NBEA: variants seen among roughly 807,000 people sequenced by gnomAD.
NBEA encodes lysosomal-trafficking regulator 2.
Under a neutral mutation model 343.4 loss-of-function variants are expected in NBEA, and 44 were observed. The observed-to-expected ratio is 0.13, with a 90% CI of 0.10 to 0.16. The LOEUF is 0.16. Among genes scored for constraint, NBEA ranks in the 10% least tolerant of loss-of-function variants. The pLI, the probability that NBEA is intolerant of heterozygous loss-of-function variation, is 1.00. For missense variants in NBEA, 2,555 were observed against 3,631.3 expected (o/e 0.70, Z 7.62); for synonymous variants, 1,175 against 1,238.7 (o/e 0.95, Z 1.08).
chr13:35,355,623 T>C (rs985296318), intron 38 of NBEA, among the ~76,000 whole-genome samples: 7 of 152,104 alleles, frequency 4.6e-5, no homozygotes, highest in Admixed American at 1.3e-4. Context: ...TAGTGACTTA[T>C]TAGGCCCTAC....
chr13:35,217,096 TG>T (rs2074106158), intron 33 of NBEA, among the ~76,000 whole-genome samples: 1 of 152,030 alleles, frequency 6.6e-6, no homozygotes. Context: ...GATATCTTAC[TG>T]TGGTCTGAAT....
chr13:35,174,048 G>A (rs964123099), intron 27 of NBEA, among the ~76,000 whole-genome samples: 56 of 152,150 alleles, frequency 3.7e-4, no homozygotes, highest in Admixed American at 2.3e-3. Context: ...GGCCCTTGGC[G>A]TCACATCCAG....
intron 55 of NBEA, among the ~76,000 whole-genome samples, chr13:35,656,531 C>A (rs1318719327): frequency 1.3e-5 from 2 of 152,142 alleles, no homozygotes; most frequent in African/African-American, 2.4e-5. Flanking sequence ...TGGACTGCTG[C>A]CCCAAGAAAA....
Position 35,270,894 on chromosome 13 carries a change from T to C in NBEA, c.5777-19495T>C, listed in dbSNP as rs148414850. Among the ~76,000 whole-genome samples the C allele has an allele frequency of 9.3e-4, 141 of 152,296 alleles. 4 individuals carry two copies. The East Asian group carries it at 0.025, about 27-fold the overall frequency. Reference sequence around the variant, plus strand: ...ACAGCCCAGCAAGGCCTACTGCCTCTCTAGATTCCACCTCTTGGGGCAGAG... The same window carrying C: ...ACAGCCCAGCAAGGCCTACTGCCTCCCTAGATTCCACCTCTTGGGGCAGAG... On this transcript the variant is annotated intron_variant, in intron 34 of 58. Coordinates refer to ENST00000379939, the MANE Select transcript of NBEA (RefSeq NM_001385012.1).
At chr13:35,343,664 T>C (rs2039715749) in intron 36 of NBEA, among the ~76,000 whole-genome samples, 1 of 152,074 alleles carries the variant, frequency 6.6e-6, no homozygotes, top group Admixed American at 6.6e-5. Flanking sequence ...GTCAGATCAG[T>C]GGCAGTATTA....
chr13:35,239,992 G>GA (rs1229363008), intron 34 of NBEA, among the ~76,000 whole-genome samples: 15 of 151,320 alleles, frequency 9.9e-5, no homozygotes, highest in African/African-American at 3.1e-4. Context: ...GGAGCAGTTT[G>GA]AGCATCCATA....
chr13:35,161,960 T>C lies in NBEA; in HGVS notation c.4072T>C (p.Trp1358Arg). The change falls in exon 23 of 59, where the codon TGG (tryptophan) becomes CGG (arginine). Residue 1358 changes from tryptophan to arginine, a missense_variant. Transcript: ENST00000379939. ...LFALETDVHV[W>R]RSHSTKSVMD... ...TGCATTAGAAACTGATGTACATGTT[T>C]GGAGGAGGTAGAAATATTTCTTTTT... The C allele has an allele frequency of 6.5e-7, 1 of 1,544,332 alleles. No individual in the cohort carries two copies. Among genetic ancestry groups the C allele is most frequent in the Non-Finnish European group, 8.8e-7 (1 of 1,141,148 alleles).
intron 45 of NBEA, among the ~76,000 whole-genome samples, chr13:35,580,023 T>C (rs191678402): frequency 1.1e-3 from 171 of 152,288 alleles, no homozygotes; most frequent in African/African-American, 4.0e-3. Flanking sequence ...ACTTCTTTGA[T>C]TCTTCAATAT....
chr13:35,000,227 G>T (rs2061080725), intron 1 of NBEA, among the ~76,000 whole-genome samples: 1 of 152,190 alleles, frequency 6.6e-6, no homozygotes, highest in Non-Finnish European at 1.5e-5. Flanking sequence ...GAAGGGCAAT[G>T]AACCAGGAGA....
intron 41 of NBEA, among the ~76,000 whole-genome samples, chr13:35,503,916 T>A (rs994385087): frequency 6.6e-6 from 1 of 152,174 alleles, no homozygotes; most frequent in Non-Finnish European, 1.5e-5. Flanking sequence ...TATTAAATGT[T>A]ATTGTATTAT....
chr13:35,085,580 T>C (rs2064707902), intron 10 of NBEA, among the ~76,000 whole-genome samples: 1 of 152,080 alleles, frequency 6.6e-6, no homozygotes, highest in Non-Finnish European at 1.5e-5. Context: ...ATGGGACATA[T>C]CTTAAAATAA....
At chr13:35,496,121 C>T (rs893677601) in intron 41 of NBEA, among the ~76,000 whole-genome samples, 3 of 151,870 alleles carry the variant, frequency 2.0e-5, no homozygotes, top group Non-Finnish European at 4.4e-5. Flanking sequence ...TATAACTGTA[C>T]TTTTCAGTTC....
intron 34 of NBEA, among the ~76,000 whole-genome samples, chr13:35,272,055 C>T (rs1017221815): frequency 2.6e-5 from 4 of 152,094 alleles, no homozygotes; most frequent in African/African-American, 9.7e-5. Flanking sequence ...ACATAATTGA[C>T]AGAATCACCA....
At chr13:34,988,190 T>C (rs187173977) in intron 1 of NBEA, among the ~76,000 whole-genome samples, 5 of 151,200 alleles carry the variant, frequency 3.3e-5, no homozygotes, top group African/African-American at 1.2e-4. Flanking sequence ...GTTACCCGCC[T>C]GTTTGAGGTG....
At chr13:35,279,799 C>A (rs903449748) in intron 34 of NBEA, among the ~76,000 whole-genome samples, 1 of 151,954 alleles carries the variant, frequency 6.6e-6, no homozygotes, top group Non-Finnish European at 1.5e-5. Flanking sequence ...AATTAGGTAG[C>A]GTTACCACAA....
intron 33 of NBEA, among the ~76,000 whole-genome samples, chr13:35,229,778 GTACCA>G (rs1346295205): frequency 6.6e-6 from 1 of 151,958 alleles, no homozygotes; most frequent in Non-Finnish European, 1.5e-5. Flanking sequence ...GTTTATGTTT[GTACCA>G]TTTTCTTTCA....
chr13:35,215,341 A>T (rs1329003485), intron 33 of NBEA, among the ~76,000 whole-genome samples: 1 of 151,478 alleles, frequency 6.6e-6, no homozygotes, highest in Non-Finnish European at 1.5e-5. Flanking sequence ...AAACTCTTGT[A>T]CTTATTTTTA....
Position 34,965,856 on chromosome 13 carries a change from A to T in NBEA, c.294+22742A>T, listed in dbSNP as rs1593302807. Among the ~76,000 whole-genome samples the T allele has an allele frequency of 2.0e-5, 3 of 152,150 alleles. No individual in the cohort carries two copies. In the East Asian group the frequency reaches 5.8e-4, roughly 29 times the overall value. The stretch of plus-strand genomic sequence containing the variant: ...GGAAAACAGTTGTTTCCAAAACCAG[A>T]ATTATCTGTTGTTGTTTGTTTGTAC... On this transcript the variant is annotated intron_variant, in intron 1 of 58. Transcript: ENST00000379939.
At chr13:35,226,166 C>T (rs1243901747) in intron 33 of NBEA, among the ~76,000 whole-genome samples, 1 of 152,100 alleles carries the variant, frequency 6.6e-6, no homozygotes, top group Non-Finnish European at 1.5e-5. Context: ...AAGAGATATT[C>T]CAGGCCACTC....
Sources: gnomAD v4.1 joint callset for allele counts (sites outside exome capture counted in the v4.1 genomes callset) on GRCh38, gnomAD v4.1.1 for gene constraint, MANE v1.5 for transcripts, NCBI Gene and HGNC (gene_info 2026-07-23, HGNC 2026-07-21) for gene names.